The following ADGRL3 variants were observed in gnomAD, a reference collection of about 807,000 sequenced individuals.
ADGRL3 encodes the protein adhesion G protein-coupled receptor L3.
ADGRL3 carries 62 observed loss-of-function variants against 153.5 expected under a neutral mutation model. The ratio of observed to expected loss-of-function variants is 0.40; its 90% CI spans 0.33 to 0.50. The LOEUF (loss-of-function observed/expected upper bound fraction) is 0.50. ADGRL3 is among the 20% of genes least tolerant of loss of function. The pLI is 0.47. For synonymous variants in ADGRL3, 710 were observed against 672.5 expected (o/e 1.06, Z -0.86); for missense variants, 1,641 against 1,859.4 (o/e 0.88, Z 2.16).
chr4:61,257,541 C>A (rs914212059), intron 1 of ADGRL3, among the ~76,000 whole-genome samples: 1 of 152,026 alleles, frequency 6.6e-6, no homozygotes, highest in Non-Finnish European at 1.5e-5. Context: ...GATTAGGGTT[C>A]TTTGAACATA....
chr4:61,517,764 G>T (rs1450724360), intron 4 of ADGRL3, among the ~76,000 whole-genome samples: 1 of 151,968 alleles, frequency 6.6e-6, no homozygotes, highest in Non-Finnish European at 1.5e-5. Context: ...ACTTGATTGG[G>T]TTTGAAATAT....
At chr4:61,964,887 T>C (rs1345032913) in intron 17 of ADGRL3, among the ~76,000 whole-genome samples, 1 of 152,152 alleles carries the variant, frequency 6.6e-6, no homozygotes, top group Non-Finnish European at 1.5e-5. Context: ...TTCAATTGTG[T>C]ATACTGTTCT....
chr4:61,369,319 G>A (rs1221343098), intron 1 of ADGRL3, among the ~76,000 whole-genome samples: 6 of 152,148 alleles, frequency 3.9e-5, no homozygotes, highest in African/African-American at 1.4e-4. Flanking sequence ...GTTTTCAAAG[G>A]GAATGCTTTC....
chr4:61,557,247 C>T (rs1034564502), intron 4 of ADGRL3, among the ~76,000 whole-genome samples: 1 of 151,990 alleles, frequency 6.6e-6, no homozygotes, highest in African/African-American at 2.4e-5. Context: ...TTTTAATGTG[C>T]TATCAGTTTA....
intron 5 of ADGRL3, among the ~76,000 whole-genome samples, chr4:61,613,491 CCCA>C (rs1560936126): frequency 2.6e-5 from 4 of 152,126 alleles, no homozygotes; most frequent in African/African-American, 7.2e-5. Flanking sequence ...CGCCTGTAAT[CCCA>C]CCACTTTGGG....
chr4:61,452,616 C>T (rs1345230890), intron 2 of ADGRL3, among the ~76,000 whole-genome samples: 1 of 152,150 alleles, frequency 6.6e-6, no homozygotes, highest in Admixed American at 6.5e-5. Context: ...TCTTGTCAAG[C>T]ATTAATAGAG....
At chr4:61,518,686 C>G (rs957384087) in intron 4 of ADGRL3, among the ~76,000 whole-genome samples, 3 of 152,162 alleles carry the variant, frequency 2.0e-5, no homozygotes, top group Non-Finnish European at 2.9e-5. Context: ...TTCAGATTGG[C>G]CTTTCTGCCT....
chr4:61,638,377 G>A (rs1647673202), intron 5 of ADGRL3, among the ~76,000 whole-genome samples: 1 of 152,142 alleles, frequency 6.6e-6, no homozygotes, highest in Non-Finnish European at 1.5e-5. Context: ...GTGAAAGAGA[G>A]TATGAAGACA....
chr4:61,986,353 T>TA (rs2099085535), intron 19 of ADGRL3, among the ~76,000 whole-genome samples: 2 of 152,338 alleles, frequency 1.3e-5, no homozygotes, highest in East Asian at 3.9e-4. Context: ...GTCCTGTTAC[T>TA]ACTGAACTCA....
At chr4:61,946,715 C>T (rs867881547) in intron 15 of ADGRL3, among the ~76,000 whole-genome samples, 199 bp from the exon 16 acceptor site, 5 of 152,094 alleles carry the variant, frequency 3.3e-5, no homozygotes, top group Non-Finnish European at 7.4e-5. Context: ...GATTGAGGCT[C>T]ATTTTAAAAA....
intron 4 of ADGRL3, among the ~76,000 whole-genome samples, chr4:61,569,550 T>C (rs949674993): frequency 6.6e-6 from 1 of 152,154 alleles, no homozygotes; most frequent in African/African-American, 2.4e-5. Flanking sequence ...CTGGGCAATA[T>C]AGCAATACCT....
At chr4:61,530,427 T>C (rs1167488307) in intron 4 of ADGRL3, among the ~76,000 whole-genome samples, 2 of 152,114 alleles carry the variant, frequency 1.3e-5, no homozygotes, top group Non-Finnish European at 2.9e-5. Flanking sequence ...TATGGATATT[T>C]GAACTATTTC....
chr4:61,897,134 C>T lies in ADGRL3; in HGVS notation c.1887+1300C>T, dbSNP rs78824869. 2.8e-3 allele frequency among the ~76,000 whole-genome samples: 426 copies of T among 152,196 alleles called. 1 individual carries two copies. The highest frequency in any genetic ancestry group is 9.8e-3 in the African/African-American group (405 of 41,536). On this transcript the variant is annotated intron_variant, in intron 11 of 26. Transcript: ENST00000683033. Reference sequence around the variant, plus strand: ...ACAAAAGATAATTCCTTTCAAAGACCAGACAGCTGTTGTCCATCTGATTTA... The same window carrying T: ...ACAAAAGATAATTCCTTTCAAAGACTAGACAGCTGTTGTCCATCTGATTTA...
chr4:61,931,781 G>A (rs571790958), intron 13 of ADGRL3, among the ~76,000 whole-genome samples: 1 of 152,222 alleles, frequency 6.6e-6, no homozygotes, highest in East Asian at 1.9e-4. Context: ...TTAGTAGAAA[G>A]CTTCCCTAAA....
At chr4:61,787,301 C>T (rs1483168159) in intron 8 of ADGRL3, among the ~76,000 whole-genome samples, 1 of 151,886 alleles carries the variant, frequency 6.6e-6, no homozygotes, top group East Asian at 1.9e-4. Flanking sequence ...TTTCAACTAT[C>T]CTCACGTTAT....
intron 2 of ADGRL3, among the ~76,000 whole-genome samples, chr4:61,436,349 G>A (rs2097445257): frequency 6.6e-6 from 1 of 152,052 alleles, no homozygotes; most frequent in South Asian, 2.1e-4. Context: ...TTACATTTTG[G>A]ACATTCACAT....
chr4:61,363,169 A>G (rs1456916562), intron 1 of ADGRL3, among the ~76,000 whole-genome samples: 1 of 152,172 alleles, frequency 6.6e-6, no homozygotes, highest in Non-Finnish European at 1.5e-5. Context: ...AATATCTTAG[A>G]TATGAGTAGC....
chr4:61,735,773 T>A (rs2096500516), intron 8 of ADGRL3, among the ~76,000 whole-genome samples: 1 of 152,186 alleles, frequency 6.6e-6, no homozygotes, highest in South Asian at 2.1e-4. Flanking sequence ...CATACCTTAT[T>A]TTTATTTAGA....
intron 25 of ADGRL3, among the ~76,000 whole-genome samples, chr4:62,057,476 T>C (rs975703415): frequency 6.6e-6 from 1 of 152,168 alleles, no homozygotes; most frequent in Non-Finnish European, 1.5e-5. Context: ...TTAAAATGAC[T>C]ATGATTTTAA....
Sources: allele counts gnomAD v4.1 joint callset (sites outside exome capture counted in the v4.1 genomes callset), GRCh38; gene constraint gnomAD v4.1.1; transcripts MANE v1.5; gene names NCBI Gene and HGNC (gene_info 2026-07-23, HGNC 2026-07-21).